Variants in DNAH14 observed in about 807,000 individuals in gnomAD.
DNAH14 encodes axonemal beta dynein heavy chain 14.
Under a neutral mutation model 520.9 loss-of-function variants are expected in DNAH14, and 478 were observed. That is an observed-to-expected ratio of 0.92 (90% CI 0.85 to 0.99). The LOEUF is 0.99. DNAH14 is among the 50% of genes least tolerant of loss of function. The pLI is 0.00. For synonymous variants in DNAH14, 1,581 were observed against 1,757.2 expected, an observed-to-expected ratio of 0.90 and a Z score of 2.51; for missense variants, 4,831 against 5,234.5, an observed-to-expected ratio of 0.92 and a Z score of 2.38.
chr1:225,158,520 C>T (rs2081249142), intron 34 of DNAH14, among the ~76,000 whole-genome samples: 1 of 152,300 alleles, frequency 6.6e-6, no homozygotes, highest in Non-Finnish European at 1.5e-5. Context: ...GAACTTTACT[C>T]GAGTGGACTC....
At chr1:225,158,987 A>G (rs532218646) in intron 34 of DNAH14, among the ~76,000 whole-genome samples, 39 of 152,224 alleles carry the variant, frequency 2.6e-4, no homozygotes, top group Non-Finnish European at 5.6e-4. Context: ...AGATTTTTAA[A>G]TAAATCAGTA....
At chr1:225,364,723 C>A in intron 75 of DNAH14, 69 bp from the exon 76 acceptor site, 1 of 1,145,318 alleles carries the variant, frequency 8.7e-7, no homozygotes, top group Non-Finnish European at 1.2e-6. Context: ...CAGTGAAATG[C>A]TATGATTCTA....
chr1:225,259,289 A>G, intron 46 of DNAH14, 36 bp downstream of exon 46: 1 of 1,331,842 alleles, frequency 7.5e-7, no homozygotes, highest in Non-Finnish European at 9.8e-7. Flanking sequence ...GATTTGTCTG[A>G]TTTTAAAAAG....
At chr1:225,206,422 G>A (rs988104546) in intron 40 of DNAH14, among the ~76,000 whole-genome samples, 21 of 152,018 alleles carry the variant, frequency 1.4e-4, no homozygotes, top group Admixed American at 3.9e-4. Context: ...CACAACTGTG[G>A]GTAAACAAAT....
intron 35 of DNAH14, among the ~76,000 whole-genome samples, chr1:225,163,969 CT>C (rs1174093307): frequency 1.3e-5 from 2 of 151,966 alleles, no homozygotes; most frequent in African/African-American, 4.8e-5. Context: ...AATAAATGGT[CT>C]TTTTTTAGTG....
chr1:225,346,235 A>G lies in DNAH14; in HGVS notation c.10952A>G (p.His3651Arg). ...SVVSKSKEQE[H>R]SFKREKVSPK... is the part of the protein sequence containing the mutation. ...GTTTCCAAAAGCAAAGAACAAGAAC[A>G]TAGTTTTAAAAGGGAGAAAGTGTCT... The change falls in exon 70 of 86, where the codon CAT (histidine) becomes CGT (arginine). Residue 3651 changes from histidine (H) to arginine (R), a missense_variant. Physicochemically the swap from His to Arg is conservative, Grantham distance 29. Transcript: ENST00000682510. The G allele has an allele frequency of 1.9e-6, 3 of 1,551,674 alleles. No individual in the cohort carries two copies. The highest frequency in any genetic ancestry group is 2.6e-6 in the Non-Finnish European group (3 of 1,146,976).
chr1:225,206,982 G>T lies in DNAH14; in HGVS notation c.6201G>T (p.Leu2067=). 3 of 1,506,236 alleles carry T rather than the reference G, an allele frequency of 2.0e-6. No homozygotes were observed. The highest frequency in any genetic ancestry group is 2.5e-5 in the East Asian group (1 of 39,534). 93.3% of individuals were successfully genotyped at this position (1,506,236 alleles called of 1,614,324 possible). The change falls in exon 41 of 86, where the codon CTG becomes CTT. Residue 2067 remains leucine, a synonymous_variant. Transcript: ENST00000682510. ...CTTATTATTAGGATCCTGTTGATCT[G>T]GGATGGGAACCTTATGTTAAGTCAT... is the stretch of plus-strand genomic sequence containing the variant. ...CAMVYMDPVD[L]GWEPYVKSWL...
At chr1:225,156,352 A>T (rs1482463956) in intron 34 of DNAH14, among the ~76,000 whole-genome samples, 1 of 152,176 alleles carries the variant, frequency 6.6e-6, no homozygotes, top group Non-Finnish European at 1.5e-5. Flanking sequence ...GAAGTCTGAC[A>T]TCCAGGTTGT....
At position 225,366,527 on chromosome 1, in the gene DNAH14, G is replaced by A. The variant is rs368405438; in HGVS notation, c.12091-1278G>A. Among the ~76,000 whole-genome samples the A allele has an allele frequency of 3.5e-4, 54 of 152,182 alleles. 2 individuals are homozygous for A. The highest frequency in any genetic ancestry group is 1.2e-3 in the East Asian group (6 of 5,166). On this transcript the variant is annotated intron_variant, in intron 76 of 85. Transcript: ENST00000682510. ...CTTTAAAGAATCAGTCATAGCAGTCGGGAAACAGTGCTCGATAAATATTTT... is the reference window on the plus strand; with the variant it reads ...CTTTAAAGAATCAGTCATAGCAGTCAGGAAACAGTGCTCGATAAATATTTT...
At chr1:225,039,944 T>C (rs1011041051) in intron 12 of DNAH14, among the ~76,000 whole-genome samples, 12 of 148,842 alleles carry the variant, frequency 8.1e-5, no homozygotes, top group African/African-American at 2.4e-4. Flanking sequence ...CTTTTCTTTT[T>C]TTTTTTTTCT....
At position 225,153,772 on chromosome 1, in the gene DNAH14, G is replaced by T; in HGVS notation, c.5219G>T (p.Arg1740Ile). The change falls in exon 34 of 86, where the codon AGA (arginine) becomes ATA (isoleucine). Residue 1740 changes from arginine to isoleucine, a missense_variant. Arg to Ile is a moderately conservative substitution (Grantham distance 97). Coordinates refer to ENST00000682510, the MANE Select transcript of DNAH14 (RefSeq NM_001367479.1). ...SQQDHYNFGL[R>I]SLKIVLIMAG... Reference sequence around the variant, plus strand: ...TAGGATCATTATAATTTTGGCTTGAGATCTCTGAAGATAGTTTTAATAATG... The same window carrying T: ...TAGGATCATTATAATTTTGGCTTGATATCTCTGAAGATAGTTTTAATAATG... 6.5e-7 allele frequency: 1 copy of T among 1,548,946 alleles called. No homozygotes were observed. Among genetic ancestry groups the T allele is most frequent in the Non-Finnish European group, 8.7e-7 (1 of 1,145,418 alleles).
chr1:225,031,313 T>C (rs1020134400), intron 11 of DNAH14, among the ~76,000 whole-genome samples: 1 of 152,078 alleles, frequency 6.6e-6, no homozygotes, highest in African/African-American at 2.4e-5. Flanking sequence ...CAACAAAATA[T>C]AGCCCATAGG....
At chr1:225,080,286 C>T in intron 18 of DNAH14, 93 bp from the exon 19 acceptor site, 1 of 1,277,928 alleles carries the variant, frequency 7.8e-7, no homozygotes, top group Non-Finnish European at 1.1e-6. Context: ...AGGTAAAAGC[C>T]TAGATTATAT....
chr1:225,150,080 C>G (rs988998537), intron 31 of DNAH14, among the ~76,000 whole-genome samples: 1 of 152,068 alleles, frequency 6.6e-6, no homozygotes, highest in African/African-American at 2.4e-5. Flanking sequence ...TCCTTCAATA[C>G]CTAGTTTATT....
At chr1:225,220,677 T>A (rs985385577) in intron 41 of DNAH14, among the ~76,000 whole-genome samples, 9 of 152,156 alleles carry the variant, frequency 5.9e-5, no homozygotes, top group African/African-American at 2.2e-4. Flanking sequence ...GGAAAAATAT[T>A]CCATGCTCAT....
chr1:225,357,017 A>G (rs535875700), intron 73 of DNAH14, among the ~76,000 whole-genome samples: 4 of 152,250 alleles, frequency 2.6e-5, no homozygotes, highest in African/African-American at 9.6e-5. Context: ...CCTGACCTGT[A>G]AGAGTTAGAA....
intron 46 of DNAH14, among the ~76,000 whole-genome samples, chr1:225,260,345 C>T (rs2092891896): frequency 6.8e-6 from 1 of 146,966 alleles, no homozygotes; most frequent in South Asian, 2.2e-4. Context: ...GAGCAAGACT[C>T]CATCTCAAAA....
At chr1:225,248,034 T>C (rs550125857) in intron 43 of DNAH14, among the ~76,000 whole-genome samples, 3 of 152,016 alleles carry the variant, frequency 2.0e-5, no homozygotes, top group Non-Finnish European at 4.4e-5. Context: ...ATAATAATAA[T>C]AATTAGACAA....
At chr1:225,149,267 C>A (rs2080250589) in intron 31 of DNAH14, among the ~76,000 whole-genome samples, 1 of 152,152 alleles carries the variant, frequency 6.6e-6, no homozygotes, top group Admixed American at 6.5e-5. Flanking sequence ...GCTCTCTATT[C>A]TGTTCCATTG....
Sources: allele counts gnomAD v4.1 joint callset (sites outside exome capture counted in the v4.1 genomes callset), GRCh38; gene constraint gnomAD v4.1.1; transcripts MANE v1.5; gene names NCBI Gene and HGNC (gene_info 2026-07-23, HGNC 2026-07-21).